FLOT2: variants seen among roughly 807,000 people sequenced by gnomAD.
FLOT2 encodes the protein flotillin 2.
FLOT2 carries 35 observed loss-of-function variants against 54.9 expected under a neutral mutation model. The observed-to-expected ratio is 0.64, with a 90% confidence interval of 0.49 to 0.84. The LOEUF (loss-of-function observed/expected upper bound fraction) is 0.84. Ranked by LOEUF, FLOT2 falls within the 40% of genes least tolerant of loss-of-function variation. The pLI, the probability that FLOT2 is intolerant of heterozygous loss-of-function variation, is 0.00. For synonymous variants in FLOT2, 207 were observed against 228.9 expected (o/e 0.90, Z 0.86); for missense variants, 464 against 572.1 (o/e 0.81, Z 1.93).
intron 1 of FLOT2, among the ~76,000 whole-genome samples, chr17:28,894,363 C>A (rs1229188409): frequency 6.6e-6 from 1 of 151,982 alleles, no homozygotes; most frequent in Non-Finnish European, 1.5e-5. Flanking sequence ...GTGGCTAACA[C>A]CTGTAATCCC....
chr17:28,897,718 GC>G lies in FLOT2; in HGVS notation c.-145del. 1.6e-6 allele frequency: 1 copy of G among 631,878 alleles called. No homozygotes were observed. Among genetic ancestry groups the G allele is most frequent in the Non-Finnish European group, 2.3e-6 (1 of 443,270 alleles). The allele number at this position is 631,878 out of a possible 1,614,324, so 39.1% of individuals were successfully genotyped here. ...TCGCCCGCGCCCCTCTGCGGTCGCA[GC>G]CCCGCCGGAAGTGTGGCGGCGGAGG... On this transcript the variant is annotated 5_prime_UTR_variant, in exon 1 of 11. Transcript: ENST00000394908. This position sits in a 1 kb window ranked among gnomAD's most constrained non-coding sequence, Gnocchi z 4.4.
rs369330831 is a variant in FLOT2 at position 28,880,702 on chromosome 17, C to G, written c.1248+11G>C. The G allele has an allele frequency of 2.5e-6, 4 of 1,614,146 alleles. No individual in the cohort carries two copies. The East Asian group carries it at 6.7e-5, about 27-fold the overall frequency. ...CCTGGGCAACCCCACCGCAGCTAGG[C>G]AGGCACATACCTTAGACAGGTCCAC... On this transcript the variant is annotated intron_variant, in intron 10 of 10. Coordinates refer to ENST00000394908, the MANE Select transcript of FLOT2 (RefSeq NM_004475.3).
intron 1 of FLOT2, 23 bp from the exon 2 acceptor site, chr17:28,889,049 G>A (rs1424089791): frequency 2.5e-6 from 4 of 1,607,706 alleles, no homozygotes; most frequent in East Asian, 4.5e-5. Flanking sequence ...GCAAACCACC[G>A]CAAGTCAGTC....
In FLOT2 at chr17:28,882,727, G is replaced by A. The variant is rs770702024; in HGVS notation, c.347-36C>T. On this transcript the variant is annotated intron_variant, in intron 4 of 10. Transcript: ENST00000394908. This position sits in a 1 kb window ranked among gnomAD's most constrained non-coding sequence, Gnocchi z 5.6. ...AGGGATCAAGGGCTGGCTCCCCAGGGACCCAGCCAGCTGGGGAAGGGAGGA... is the reference window on the plus strand; with the variant it reads ...AGGGATCAAGGGCTGGCTCCCCAGGAACCCAGCCAGCTGGGGAAGGGAGGA... The A allele has an allele frequency of 7.2e-7, 1 of 1,397,176 alleles. No homozygotes were observed. Among genetic ancestry groups the A allele is most frequent in the Non-Finnish European group, 1.0e-6 (1 of 986,604 alleles). 86.5% of individuals were successfully genotyped at this position (1,397,176 alleles called of 1,614,324 possible). A position where few individuals can be genotyped will look rare whatever the true frequency, so the allele number is the denominator to read the frequency against.
In FLOT2 at chr17:28,880,187, A is replaced by G; in HGVS notation, c.*374T>C. 3 of 1,118,056 alleles carry G rather than the reference A, an allele frequency of 2.7e-6. No homozygotes were observed. The highest frequency in any genetic ancestry group is 3.3e-6 in the Non-Finnish European group (3 of 909,160). The allele number at this position is 1,118,056 out of a possible 1,614,324, so 69.3% of individuals were successfully genotyped here. A position where few individuals can be genotyped will look rare whatever the true frequency, so the allele number is the denominator to read the frequency against. Reference sequence around the variant, plus strand: ...GGGAGGATGGACAGATGCACAGAGAACTTCAAGGCACCAGGATTCTGAGGA... The same window carrying G: ...GGGAGGATGGACAGATGCACAGAGAGCTTCAAGGCACCAGGATTCTGAGGA... On this transcript the variant is annotated 3_prime_UTR_variant, in exon 11 of 11. Coordinates refer to ENST00000394908, the MANE Select transcript of FLOT2 (RefSeq NM_004475.3).
intron 2 of FLOT2, among the ~76,000 whole-genome samples, chr17:28,887,316 A>C (rs966135660): frequency 2.6e-5 from 4 of 152,052 alleles, no homozygotes; most frequent in African/African-American, 7.3e-5. Context: ...CAGCCTAGGG[A>C]AATAAAGCCC....
rs1379508093 is a variant in FLOT2, at chr17:28,881,836, G to C, written c.892C>G (p.Gln298Glu). The C allele has an allele frequency of 1.2e-6, 2 of 1,613,528 alleles. No homozygotes were observed. The highest frequency in any genetic ancestry group is 2.2e-5 in the South Asian group (2 of 91,086). ...RPAEAEAHRI[Q>E]QIAEGEKVKQ... Reference sequence around the variant, plus strand: ...CACTTTTCACCCTCGGCAATCTGCTGGATGCGGTGGGCCTCGGCCTCGGCA... The same window carrying C: ...CACTTTTCACCCTCGGCAATCTGCTCGATGCGGTGGGCCTCGGCCTCGGCA... Residue 298 changes from glutamine to glutamate, a missense_variant, in exon 8 of 11, where the codon CAG becomes GAG. By Grantham distance (29) the Gln-to-Glu change is conservative. Coordinates refer to ENST00000394908, the MANE Select transcript of FLOT2 (RefSeq NM_004475.3).
chr17:28,896,296 G>A (rs549496878), intron 1 of FLOT2, among the ~76,000 whole-genome samples: 1 of 152,180 alleles, frequency 6.6e-6, no homozygotes, highest in Admixed American at 6.5e-5. Context: ...CAGAGTCTGG[G>A]CTTCCTGAAG....
At chr17:28,887,277 G>T (rs2039564814) in intron 2 of FLOT2, among the ~76,000 whole-genome samples, 1 of 152,142 alleles carries the variant, frequency 6.6e-6, no homozygotes, top group Non-Finnish European at 1.5e-5. Flanking sequence ...TGAGTTAGAA[G>T]CCTCTACTCT....
At position 28,882,357 on chromosome 17, in the gene FLOT2, C is replaced by T; in HGVS notation, c.559G>A (p.Glu187Lys). The change falls in exon 6 of 11, where the codon GAA becomes AAA. Residue 187 changes from glutamate (E) to lysine (K), a missense_variant. Glu to Lys is a moderately conservative substitution (Grantham distance 56). Coordinates refer to ENST00000394908, the MANE Select transcript of FLOT2 (RefSeq NM_004475.3). The surrounding 1 kb of genome is among the most constrained non-coding windows in gnomAD (Gnocchi z 5.6). ...CATACCCGGATGCCTGCGTCCCGTTCAGCCTCGGCCACGCCAATGTCAGCA... is the reference window on the plus strand; with the variant it reads ...CATACCCGGATGCCTGCGTCCCGTTTAGCCTCGGCCACGCCAATGTCAGCA... ...RDADIGVAEA[E>K]RDAGIREAEC... 6.2e-7 allele frequency: 1 copy of T among 1,614,036 alleles called. No individual in the cohort carries two copies. Among genetic ancestry groups the T allele is most frequent in the Non-Finnish European group, 8.5e-7 (1 of 1,180,038 alleles).
chr17:28,886,066 G>GT (rs1376971962), intron 2 of FLOT2: 1 of 588,928 alleles, frequency 1.7e-6, no homozygotes, highest in Non-Finnish European at 3.2e-6. Context: ...GGCGGGGGGG[G>GT]GCATGCTGTC....
chr17:28,892,356 CTTT>C (rs1169732012), intron 1 of FLOT2: 7 of 86,720 alleles, frequency 8.1e-5, no homozygotes, highest in South Asian at 6.7e-4. Context: ...GATGGCCACT[CTTT>C]TTTTTTTTTT....
Position 28,881,333 on chromosome 17 carries a change from G to C in FLOT2, c.957C>G (p.Ile319Met), listed in dbSNP as rs1403883885. Residue 319 changes from isoleucine (I) to methionine (M), a missense_variant, in exon 9 of 11, where the codon ATC (isoleucine) becomes ATG (methionine). Coordinates refer to ENST00000394908, the MANE Select transcript of FLOT2 (RefSeq NM_004475.3). ...VLLAQAEAEKIRKIGEAEAAV... is the reference protein window; with the variant it reads ...VLLAQAEAEKMRKIGEAEAAV... ...CCGCTTCCGCCTCCCCGATTTTGCG[G>C]ATCTTCTCAGCCTCTGCCTGTGCCA... 1.2e-6 allele frequency: 2 copies of C among 1,613,450 alleles called. No individual in the cohort carries two copies. The highest frequency in any genetic ancestry group is 2.7e-5 in the African/African-American group (2 of 74,944).
chr17:28,897,452 C>A lies in FLOT2; in HGVS notation c.49+74G>T. On this transcript the variant is annotated intron_variant, in intron 1 of 10. Transcript: ENST00000394908. This position sits in a 1 kb window ranked among gnomAD's most constrained non-coding sequence, Gnocchi z 4.4. ...CGCGGTGGACTCAGGCCCAGCTCTT[C>A]CCCGTGCACTCCCCAGCCCTGCACC... is the stretch of plus-strand genomic sequence containing the variant. The A allele has an allele frequency of 7.1e-7, 1 of 1,411,456 alleles. No homozygotes were observed. The highest frequency in any genetic ancestry group is 1.5e-5 in the African/African-American group (1 of 67,690). 87.4% of individuals were successfully genotyped at this position (1,411,456 alleles called of 1,614,324 possible).
At chr17:28,886,675 T>C (rs1043214331) in intron 2 of FLOT2, among the ~76,000 whole-genome samples, 6 of 152,136 alleles carry the variant, frequency 3.9e-5, no homozygotes, top group Non-Finnish European at 7.4e-5. Flanking sequence ...CTAGGCAGTC[T>C]GTGTGCAGGG....
chr17:28,882,750 G>T lies in FLOT2; in HGVS notation c.347-59C>A. ...GGGACCCAGCCAGCTGGGGAAGGGA[G>T]GAGGCATGCATGTAGAGGTAGGGGT... is the stretch of plus-strand genomic sequence containing the variant. On this transcript the variant is annotated intron_variant, in intron 4 of 10. Coordinates refer to ENST00000394908, the MANE Select transcript of FLOT2 (RefSeq NM_004475.3). This position sits in a 1 kb window ranked among gnomAD's most constrained non-coding sequence, Gnocchi z 5.6. The T allele has an allele frequency of 8.6e-7, 1 of 1,158,522 alleles. No homozygotes were observed. The highest frequency in any genetic ancestry group is 1.3e-6 in the Non-Finnish European group (1 of 771,856). The allele number at this position is 1,158,522 out of a possible 1,614,324, so 71.8% of individuals were successfully genotyped here.
Position 28,879,651 on chromosome 17 carries a change from C to T in FLOT2, c.*910G>A. ...TGGGGTCTGGCCAGGCTACAGCACTCGATTCTGTACAGGGTTGGCACAGCC... is the reference window on the plus strand; with the variant it reads ...TGGGGTCTGGCCAGGCTACAGCACTTGATTCTGTACAGGGTTGGCACAGCC... On this transcript the variant is annotated 3_prime_UTR_variant, in exon 11 of 11. Coordinates refer to ENST00000394908, the MANE Select transcript of FLOT2 (RefSeq NM_004475.3). 1.0e-6 allele frequency: 1 copy of T among 985,962 alleles called. No homozygotes were observed. Among genetic ancestry groups the T allele is most frequent in the South Asian group, 4.7e-5 (1 of 21,286 alleles). The allele number at this position is 985,962 out of a possible 1,614,324, so 61.1% of individuals were successfully genotyped here. A position where few individuals can be genotyped will look rare whatever the true frequency, so the allele number is the denominator to read the frequency against.
At chr17:28,891,599 T>G (rs1367284375) in intron 1 of FLOT2, among the ~76,000 whole-genome samples, 1 of 152,248 alleles carries the variant, frequency 6.6e-6, no homozygotes, top group Non-Finnish European at 1.5e-5. Context: ...GTGTTTATGC[T>G]GTGCAGTACA....
rs568425629 is a variant in FLOT2, at chr17:28,886,058, C to CAG, written c.132-1744_132-1743insCT. 8.5e-6 allele frequency: 4 copies of CAG among 472,744 alleles called. 1 individual carries two copies. The highest frequency in any genetic ancestry group is 1.2e-5 in the Non-Finnish European group (3 of 256,514). 29.3% of individuals were successfully genotyped at this position (472,744 alleles called of 1,614,324 possible). ...AGCACCGATGCCTGACGCCTGGGGGCGGGGGGGGGCATGCTGTCAGTAATC... is the reference window on the plus strand; with the variant it reads ...AGCACCGATGCCTGACGCCTGGGGGCAGGGGGGGGGGCATGCTGTCAGTAATC... On this transcript the variant is annotated intron_variant, in intron 2 of 10. Coordinates refer to ENST00000394908, the MANE Select transcript of FLOT2 (RefSeq NM_004475.3).
Sources: allele counts gnomAD v4.1 joint callset (sites outside exome capture counted in the v4.1 genomes callset), GRCh38; gene constraint gnomAD v4.1.1; non-coding constraint Gnocchi (gnomAD v3.1); transcripts MANE v1.5; gene names NCBI Gene and HGNC (gene_info 2026-07-23, HGNC 2026-07-21).